Variants in GRM7 observed in about 807,000 individuals in gnomAD.
GRM7 encodes the protein metabotropic glutamate receptor 7.
A neutral mutation model predicts 84.5 loss-of-function variants in GRM7; 35 were observed. The observed-to-expected ratio is 0.41, with a 90% CI of 0.32 to 0.55. The LOEUF (loss-of-function observed/expected upper bound fraction) is 0.55, where lower values mean the gene tolerates loss of function less well. Ranked by LOEUF, GRM7 falls within the 20% of genes least tolerant of loss-of-function variation. GRM7 has a pLI of 0.19. For synonymous variants in GRM7, 487 were observed against 455.1 expected, an observed-to-expected ratio of 1.07 and a Z score of -0.89; for missense variants, 1,003 against 1,194.6, an observed-to-expected ratio of 0.84 and a Z score of 2.36.
rs565197298 is a variant in GRM7 at position 7,578,889 on chromosome 3, C to T, written c.1983C>T (p.Phe661=). The change falls in exon 8 of 10, where the codon TTC becomes TTT. Residue 661 remains phenylalanine, a synonymous_variant. Coordinates refer to ENST00000357716, the MANE Select transcript of GRM7 (RefSeq NM_000844.4). ...DVAVCSFRRV[F]LGLGMCISYA... ...CAGTGTGTTCTTTCCGGCGAGTTTTCTTGGGCTTGGGTATGTGCATCAGTT... is the reference window on the plus strand; with the variant it reads ...CAGTGTGTTCTTTCCGGCGAGTTTTTTTGGGCTTGGGTATGTGCATCAGTT... The T allele has an allele frequency of 7.4e-6, 12 of 1,614,154 alleles. No homozygotes were observed. In the South Asian group the frequency reaches 1.2e-4, roughly 16 times the overall value.
intron 1 of GRM7, among the ~76,000 whole-genome samples, chr3:6,876,080 C>A (rs1239821393): frequency 6.6e-6 from 1 of 151,954 alleles, no homozygotes; most frequent in Non-Finnish European, 1.5e-5. Flanking sequence ...CCAGCCTGGC[C>A]AACATGGTGA....
At chr3:7,093,054 C>A (rs1319571037) in intron 1 of GRM7, among the ~76,000 whole-genome samples, 3 of 151,984 alleles carry the variant, frequency 2.0e-5, no homozygotes, top group Non-Finnish European at 4.4e-5. Flanking sequence ...CAGAACAAGA[C>A]CCTGTCTCAA....
intron 4 of GRM7, among the ~76,000 whole-genome samples, chr3:7,408,712 C>T (rs1193461019): frequency 1.3e-5 from 2 of 152,192 alleles, no homozygotes; most frequent in Non-Finnish European, 2.9e-5. Context: ...AGCGGGGCTA[C>T]CTGCGGAACA....
chr3:7,236,833 A>G (rs1302807831), intron 2 of GRM7, among the ~76,000 whole-genome samples: 1 of 152,208 alleles, frequency 6.6e-6, no homozygotes, highest in Non-Finnish European at 1.5e-5. Flanking sequence ...TCAGATCAGC[A>G]AAACCACCCA....
chr3:7,372,057 C>A (rs1359952366), intron 4 of GRM7, among the ~76,000 whole-genome samples: 1 of 152,046 alleles, frequency 6.6e-6, no homozygotes, highest in African/African-American at 2.4e-5. Flanking sequence ...TCCAGTCAGA[C>A]ATTCTGTACC....
intron 2 of GRM7, among the ~76,000 whole-genome samples, chr3:7,194,452 A>G (rs1454454214): frequency 6.6e-6 from 1 of 152,184 alleles, no homozygotes; most frequent in South Asian, 2.1e-4. Flanking sequence ...CAAATATCCT[A>G]TTCCTCCTAC....
intron 8 of GRM7, among the ~76,000 whole-genome samples, chr3:7,633,524 C>T (rs1221735353): frequency 6.6e-6 from 1 of 152,040 alleles, no homozygotes; most frequent in African/African-American, 2.4e-5. Context: ...GGCTGGTGTG[C>T]ATAGCGGGGT....
intron 2 of GRM7, among the ~76,000 whole-genome samples, chr3:7,198,400 T>C (rs933388728): frequency 2.0e-5 from 3 of 152,164 alleles, no homozygotes; most frequent in African/African-American, 7.2e-5. Flanking sequence ...GGGAGGCTTC[T>C]AGGGTACTGA....
chr3:7,404,628 G>A (rs1695596302), intron 4 of GRM7, among the ~76,000 whole-genome samples: 1 of 152,022 alleles, frequency 6.6e-6, no homozygotes, highest in African/African-American at 2.4e-5. Flanking sequence ...GGCAGCAGGA[G>A]CACAATACCA....
At chr3:6,930,559 G>T (rs1191364320) in intron 1 of GRM7, among the ~76,000 whole-genome samples, 1 of 152,064 alleles carries the variant, frequency 6.6e-6, no homozygotes, top group Non-Finnish European at 1.5e-5. Flanking sequence ...GAGTGCCTCT[G>T]AGTTTAGCTC....
intron 1 of GRM7, among the ~76,000 whole-genome samples, chr3:7,094,176 T>C (rs988731065): frequency 1.3e-5 from 2 of 152,132 alleles, no homozygotes; most frequent in Non-Finnish European, 2.9e-5. Flanking sequence ...GATAACTGAT[T>C]TAATGTCAGG....
intron 8 of GRM7, among the ~76,000 whole-genome samples, chr3:7,604,447 C>A (rs1696465133): frequency 6.6e-6 from 1 of 152,168 alleles, no homozygotes; most frequent in Non-Finnish European, 1.5e-5. Flanking sequence ...GTTTCCCCTG[C>A]ATTATCTATG....
At chr3:7,229,985 G>A (rs529385062) in intron 2 of GRM7, among the ~76,000 whole-genome samples, 5 of 149,808 alleles carry the variant, frequency 3.3e-5, no homozygotes, top group African/African-American at 4.9e-5. Flanking sequence ...GACTACAGGC[G>A]CCCACCACCA....
intron 1 of GRM7, among the ~76,000 whole-genome samples, chr3:6,921,441 C>T (rs1697120804): frequency 6.6e-6 from 1 of 152,182 alleles, no homozygotes; most frequent in Admixed American, 6.5e-5. Context: ...GCGCAGCCAA[C>T]AGCTTCTATT....
chr3:7,324,908 T>C (rs1426297270), intron 4 of GRM7, among the ~76,000 whole-genome samples: 1 of 152,154 alleles, frequency 6.6e-6, no homozygotes, highest in Non-Finnish European at 1.5e-5. Flanking sequence ...TTAAACATAC[T>C]CTCCTAGTTT....
intron 7 of GRM7, among the ~76,000 whole-genome samples, chr3:7,568,356 TGAG>T (rs1470609483): frequency 6.6e-6 from 1 of 152,224 alleles, no homozygotes; most frequent in Non-Finnish European, 1.5e-5. Flanking sequence ...TCCACGTGGC[TGAG>T]GAGGCTTCAC....
intron 9 of GRM7, among the ~76,000 whole-genome samples, chr3:7,722,254 T>C (rs1264070004): frequency 1.3e-5 from 2 of 152,222 alleles, no homozygotes; most frequent in African/African-American, 2.4e-5. Context: ...AGCTAAAATA[T>C]ATTGAGTACA....
intron 2 of GRM7, among the ~76,000 whole-genome samples, chr3:7,231,142 G>A (rs762688200): frequency 2.0e-5 from 3 of 152,150 alleles, no homozygotes; most frequent in Non-Finnish European, 4.4e-5. Flanking sequence ...AAGTTTAGGT[G>A]TCACCCGTCT....
chr3:7,723,689 C>A (rs575126869), intron 9 of GRM7, among the ~76,000 whole-genome samples: 1 of 152,078 alleles, frequency 6.6e-6, no homozygotes. Context: ...ATCTCTACAA[C>A]AAATTTAAAA....
Sources: allele counts gnomAD v4.1 joint callset (sites outside exome capture counted in the v4.1 genomes callset), GRCh38; gene constraint gnomAD v4.1.1; transcripts MANE v1.5; gene names NCBI Gene and HGNC (gene_info 2026-07-23, HGNC 2026-07-21).